Variants in PRB2 observed in about 807,000 individuals in gnomAD.
The protein encoded by PRB2 is proline rich protein BstNI subfamily 2.
In PRB2, 12 loss-of-function variants were observed where a neutral mutation model predicts 8.3. The observed-to-expected ratio is 1.45, with a 90% CI of 0.93 to 2.35. PRB2 has a LOEUF of 2.35. PRB2 is among the 30% of genes most tolerant of loss of function. The pLI is 0.00. For missense variants in PRB2, 470 were observed against 507.0 expected, an observed-to-expected ratio of 0.93 and a Z score of 0.70; for synonymous variants, 146 against 180.0, an observed-to-expected ratio of 0.81 and a Z score of 1.51.
rs199748368 is a variant in PRB2 at position 11,393,371 on chromosome 12, C to A, written c.707G>T (p.Arg236Leu). The A allele has an allele frequency of 1.9e-6, 3 of 1,582,256 alleles. No homozygotes were observed. The highest frequency in any genetic ancestry group is 2.6e-6 in the Non-Finnish European group (3 of 1,174,018). Residue 236 changes from arginine to leucine, a missense_variant, in exon 3 of 4, where the codon CGA becomes CTA. Physicochemically the swap from Arg to Leu is moderately radical, Grantham distance 102. Transcript: ENST00000389362. ...TCCTTGTGGCTTTCCTGGAGGAGAT[C>A]GGGCACTTTGGGACTTGTTGTCTCC... The part of the protein sequence containing the change: ...PQGDNKSQSA[R>L]SPPGKPQGPP...
chr12:11,394,125 C>T (rs1352753187), intron 2 of PRB2, 148 bp from the exon 3 acceptor site: 2 of 1,199,824 alleles, frequency 1.7e-6, no homozygotes, highest in African/African-American at 1.5e-5. Context: ...CTTTGCATTT[C>T]AGTGAAGACA....
In PRB2 at chr12:11,393,151, TG is replaced by T. The variant is rs560024256; in HGVS notation, c.926del (p.Pro309HisfsTer122). 31 of 1,593,478 alleles carry T rather than the reference TG, an allele frequency of 1.9e-5. No homozygotes were observed. In the South Asian group the frequency reaches 3.1e-4, roughly 16 times the overall value. On this transcript the variant is annotated frameshift_variant, in exon 3 of 4. Transcript: ENST00000389362. LOFTEE classifies it low-confidence loss of function (END_TRUNC). ...SPPGKPQGPPPQGGNQPQGPP... is the reference protein window; with the variant it reads ...SPPGKPQGPPXQGGNQPQGPP... ...GACCTTGAGGCTGGTTGCCTCCTTG[TG>T]GGGGTGGTCCTTGTGGCTTTCCTGG...
intron 3 of PRB2, 76 bp from the exon 4 acceptor site, chr12:11,391,724 C>T: frequency 2.6e-6 from 1 of 389,336 alleles, no homozygotes; most frequent in South Asian, 2.0e-5. Flanking sequence ...ACTGGTCTTA[C>T]TGCACTACAG....
At position 11,391,569 on chromosome 12, in the gene PRB2, G is replaced by C; in HGVS notation, c.*113C>G. On this transcript the variant is annotated 3_prime_UTR_variant, in exon 4 of 4. Coordinates refer to ENST00000389362, the MANE Select transcript of PRB2 (RefSeq NM_006248.4). Reference sequence around the variant, plus strand: ...AAGCTAATTATTTTATTGGTATACAGAAGTTAGAGCTATGATGACCTTTTT... The same window carrying C: ...AAGCTAATTATTTTATTGGTATACACAAGTTAGAGCTATGATGACCTTTTT... 2.5e-6 allele frequency: 1 copy of C among 395,490 alleles called. No homozygotes were observed. The highest frequency in any genetic ancestry group is 1.8e-5 in the South Asian group (1 of 56,148). The allele number at this position is 395,490 out of a possible 1,614,324, so 24.5% of individuals were successfully genotyped here.
At chr12:11,394,604 A>G (rs1864381135) in intron 1 of PRB2, 74 bp from the exon 2 acceptor site, 1 of 1,555,972 alleles carries the variant, frequency 6.4e-7, no homozygotes, top group African/African-American at 1.4e-5. Context: ...TTCTACAGGG[A>G]AAACAGACTT....
rs748133522 is a variant in PRB2, at chr12:11,393,745, G to A, written c.333C>T (p.Pro111=). Reference sequence around the variant, plus strand: ...CTTGTGGCTTTCCTGGAGGAGATCGGGGACTTCGGGACTTGTCTCCTTGTG... The same window carrying A: ...CTTGTGGCTTTCCTGGAGGAGATCGAGGACTTCGGGACTTGTCTCCTTGTG... ...PPPQGDKSRS[P]RSPPGKPQGP... is the part of the protein sequence containing the mutation. Residue 111 remains proline, a synonymous_variant, in exon 3 of 4, where the codon CCC becomes CCT. Transcript: ENST00000389362. The A allele has an allele frequency of 6.3e-7, 1 of 1,591,128 alleles. No homozygotes were observed. Among genetic ancestry groups the A allele is most frequent in the Non-Finnish European group, 8.5e-7 (1 of 1,170,670 alleles).
chr12:11,394,688 G>A (rs1301299907), intron 1 of PRB2, among the ~76,000 whole-genome samples, 158 bp from the exon 2 acceptor site: 2 of 152,140 alleles, frequency 1.3e-5, no homozygotes, highest in Admixed American at 6.5e-5. Flanking sequence ...GGGGAGGAAG[G>A]TGTAAGGGGA....
At position 11,394,746 on chromosome 12, in the gene PRB2, A is replaced by C. The variant is rs569046405; in HGVS notation, c.65-216T>G. 3.9e-5 allele frequency among the ~76,000 whole-genome samples: 6 copies of C among 152,274 alleles called. No homozygotes were observed. In the East Asian group the frequency reaches 7.7e-4, roughly 20 times the overall value. On this transcript the variant is annotated intron_variant, in intron 1 of 3. Transcript: ENST00000389362. ...AACAGCCATGAACTCAACATAGAAG[A>C]GCCCCTTTTTTCCCTCCCTAGCATC...
intron 2 of PRB2, 72 bp from the exon 3 acceptor site, chr12:11,394,049 T>C: frequency 6.3e-7 from 1 of 1,590,258 alleles, no homozygotes; most frequent in Non-Finnish European, 8.6e-7. Flanking sequence ...TTGCAGTAAA[T>C]TTTTATCAGT....
In PRB2 at chr12:11,393,209, C is replaced by T; in HGVS notation, c.869G>A (p.Gly290Glu). The T allele has an allele frequency of 2.6e-6, 4 of 1,566,380 alleles. No homozygotes were observed. The highest frequency in any genetic ancestry group is 1.7e-4 in the Middle Eastern group (1 of 5,892). The change falls in exon 3 of 4, where the codon GGA (glycine) becomes GAA (glutamate). Residue 290 changes from glycine to glutamate, a missense_variant. This residue lies in a region of PRB2 where 205 missense variants were observed against 195.0 expected (regional missense o/e 1.05). Coordinates refer to ENST00000389362, the MANE Select transcript of PRB2 (RefSeq NM_006248.4). The stretch of plus-strand genomic sequence containing the variant: ...TCGAGAACTTCGGGACTTGCTGCCT[C>T]CTTGTGGGGGTGGTCCTTGTGGCTT... ...PGKPQGPPPQGGSKSRSSRSP... is the reference protein window; with the variant it reads ...PGKPQGPPPQEGSKSRSSRSP...
chr12:11,393,248 G>A lies in PRB2; in HGVS notation c.830C>T (p.Pro277Leu). The part of the protein sequence containing the change: ...PPQGGNKPQG[P>L]PPPGKPQGPP... ...TCCTTGTGGCTTTCCTGGAGGTGGG[G>A]GACCTTGAGGTTTGTTGCCTCCTTG... Residue 277 changes from proline to leucine, a missense_variant, in exon 3 of 4, where the codon CCC becomes CTC. Pro to Leu is a moderately conservative substitution (Grantham distance 98). Coordinates refer to ENST00000389362, the MANE Select transcript of PRB2 (RefSeq NM_006248.4). The A allele has an allele frequency of 2.2e-6, 3 of 1,345,520 alleles. No homozygotes were observed. Among genetic ancestry groups the A allele is most frequent in the East Asian group, 2.7e-5 (1 of 37,372 alleles). The allele number at this position is 1,345,520 out of a possible 1,614,324, so 83.3% of individuals were successfully genotyped here.
chr12:11,394,390 A>G (rs571497507), intron 2 of PRB2, 105 bp downstream of exon 2: 69 of 1,380,230 alleles, frequency 5.0e-5, no homozygotes, highest in East Asian at 1.1e-4. Flanking sequence ...ACTAACATTA[A>G]TCAATTCCCG....
In PRB2 at chr12:11,393,969, G is replaced by A. The variant is rs752702124; in HGVS notation, c.109C>T (p.Gln37Ter). 16 of 1,613,516 alleles carry A rather than the reference G, an allele frequency of 9.9e-6. No individual in the cohort carries two copies. Among genetic ancestry groups the A allele is most frequent in the Non-Finnish European group, 1.2e-5 (14 of 1,179,704 alleles). ...ESPSLIAGNP[Q>*]GAPPQGGNKP... ...TTGCCTCCTTGTGGGGGTGCTCCTT[G>A]TGGATTTCCTGGAGAACAAAGAGAG... Residue 37 changes from glutamine (Q) to a stop codon, truncating the protein, a stop_gained, in exon 3 of 4, where the codon CAA (glutamine) becomes TAA (stop). Coordinates refer to ENST00000389362, the MANE Select transcript of PRB2 (RefSeq NM_006248.4). LOFTEE classifies it high-confidence loss of function.
chr12:11,393,804 G>C lies in PRB2; in HGVS notation c.274C>G (p.Pro92Ala). 1.9e-6 allele frequency: 3 copies of C among 1,578,040 alleles called. No homozygotes were observed. The highest frequency in any genetic ancestry group is 2.3e-5 in the South Asian group (2 of 88,302). The change falls in exon 3 of 4, where the codon CCC becomes GCC. Residue 92 changes from proline to alanine, a missense_variant. This residue lies in a region of PRB2 where 211 missense variants were observed against 207.7 expected (regional missense o/e 1.02). Coordinates refer to ENST00000389362, the MANE Select transcript of PRB2 (RefSeq NM_006248.4). The part of the protein sequence containing the change: ...PPQGGNKPQG[P>A]PPPGKPQGPP... ...CCTTGTGGCTTTCCTGGAGGTGGGG[G>C]ACCTTGAGGTTTGTTGCCTCCTTGT...
chr12:11,393,218 G>A lies in PRB2; in HGVS notation c.860C>T (p.Pro287Leu), dbSNP rs749642828. ...TCGGGACTTGCTGCCTCCTTGTGGG[G>A]GTGGTCCTTGTGGCTTTCCTGGAGG... ...PPPPGKPQGP[P>L]PQGGSKSRSS... Residue 287 changes from proline to leucine, a missense_variant, in exon 3 of 4, where the codon CCC becomes CTC. By Grantham distance (98) the Pro-to-Leu change is moderately conservative. Transcript: ENST00000389362. The A allele has an allele frequency of 1.3e-6, 2 of 1,565,774 alleles. No homozygotes were observed. The highest frequency in any genetic ancestry group is 1.7e-6 in the Non-Finnish European group (2 of 1,159,602).
rs1224348762 is a variant in PRB2, at chr12:11,391,944, T to C, written c.*34-296A>G. ...ATTTACACAGATGGGAACTGGAACA[T>C]ATTTTATAACAGTGAGAAGCTGAAA... is the stretch of plus-strand genomic sequence containing the variant. On this transcript the variant is annotated intron_variant, in intron 3 of 3. Coordinates refer to ENST00000389362, the MANE Select transcript of PRB2 (RefSeq NM_006248.4). 3.6e-5 allele frequency among the ~76,000 whole-genome samples: 4 copies of C among 111,618 alleles called. 1 individual carries two copies. In the Admixed American group the frequency reaches 3.9e-4, roughly 11 times the overall value. The allele number at this position is 111,618 out of a possible 152,430, so 73.2% of individuals were successfully genotyped here.
rs560012578 is a variant in PRB2, at chr12:11,395,539, G to A, written c.-10C>T. 96 of 1,611,838 alleles carry A rather than the reference G, an allele frequency of 6.0e-5. No homozygotes were observed. In the South Asian group the frequency reaches 1.0e-3, roughly 17 times the overall value. ...GCAGAATCAACAGCATCTTGCAGGA[G>A]GCTCTGGAGTCACTCCCAACTCTGT... is the stretch of plus-strand genomic sequence containing the variant. On this transcript the variant is annotated 5_prime_UTR_variant, in exon 1 of 4. Transcript: ENST00000389362.
At position 11,394,758 on chromosome 12, in the gene PRB2, C is replaced by T. The variant is rs1485479979; in HGVS notation, c.65-228G>A. On this transcript the variant is annotated intron_variant, in intron 1 of 3. Transcript: ENST00000389362. ...CTCAACATAGAAGAGCCCCTTTTTT[C>T]CCTCCCTAGCATCCCTCAAGACTTA... Among the ~76,000 whole-genome samples the T allele has an allele frequency of 1.2e-4, 18 of 152,104 alleles. No individual in the cohort carries two copies. The East Asian group carries it at 3.5e-3, about 29-fold the overall frequency.
rs1864355702 is a variant in PRB2 at position 11,393,597 on chromosome 12, C to T, written c.481G>A (p.Gly161Arg). The change falls in exon 3 of 4, where the codon GGA becomes AGA. Residue 161 changes from glycine (G) to arginine (R), a missense_variant. By Grantham distance (125) the Gly-to-Arg change is moderately radical. Around this residue, in one of 4 missense-constraint regions of PRB2, gnomAD observed 211 missense variants for 207.7 expected, o/e 1.02. Transcript: ENST00000389362. ...TTGTTGTCTCCTTGTGGGGGTGGTC[C>T]TTGTGGCTTTCCTGGAGGTGGGGGA... ...QGPPPPGKPQ[G>R]PPPQGDNKSR... is the part of the protein sequence containing the mutation. 2 of 1,575,704 alleles carry T rather than the reference C, an allele frequency of 1.3e-6. No homozygotes were observed. The highest frequency in any genetic ancestry group is 3.0e-5 in the African/African-American group (2 of 66,360).
Sources: allele counts gnomAD v4.1 joint callset (sites outside exome capture counted in the v4.1 genomes callset), GRCh38; gene constraint gnomAD v4.1.1; regional missense constraint gnomAD v4.1.1; transcripts MANE v1.5; gene names NCBI Gene and HGNC (gene_info 2026-07-23, HGNC 2026-07-21).